CAV3: variants seen among roughly 807,000 people sequenced by gnomAD.
The protein encoded by CAV3 is caveolin-3.
CAV3 carries 10 observed loss-of-function variants against 13.4 expected under a neutral mutation model. That is an observed-to-expected ratio of 0.75 (90% CI 0.46 to 1.27). The LOEUF (loss-of-function observed/expected upper bound fraction) is 1.27. Among genes scored for constraint, CAV3 ranks in the 50% most tolerant of loss-of-function variants. The pLI is 0.00. For synonymous variants in CAV3, 90 were observed against 79.0 expected, an observed-to-expected ratio of 1.14 and a Z score of -0.74; for missense variants, 162 against 194.0, an observed-to-expected ratio of 0.83 and a Z score of 0.98.
At chr3:8,740,670 A>G (rs2124983014) in intron 1 of CAV3, among the ~76,000 whole-genome samples, 1 of 152,322 alleles carries the variant, frequency 6.6e-6, no homozygotes, top group African/African-American at 2.4e-5. Context: ...CCCTTAAGGT[A>G]GACCTGGAGC....
intron 1 of CAV3, among the ~76,000 whole-genome samples, chr3:8,735,689 CA>C (rs1448293758): frequency 3.3e-5 from 5 of 152,294 alleles, no homozygotes; most frequent in Admixed American, 2.0e-4. Flanking sequence ...TGTCCAAACC[CA>C]ACACAATCTG....
intron 1 of CAV3, among the ~76,000 whole-genome samples, chr3:8,734,618 C>A (rs1307435344): frequency 2.6e-5 from 4 of 152,242 alleles, no homozygotes; most frequent in East Asian, 1.9e-4. Context: ...AGTCTCTCAG[C>A]GTCTGAAGTT....
intron 1 of CAV3, among the ~76,000 whole-genome samples, chr3:8,739,935 G>T (rs190981668): frequency 1.3e-5 from 2 of 152,086 alleles, no homozygotes. Context: ...GGGCTCCACC[G>T]AGCTAGAACA....
At position 8,745,924 on chromosome 3, in the gene CAV3, C is replaced by A; in HGVS notation, c.*57C>A. The stretch of plus-strand genomic sequence containing the variant: ...GGGGGTGGTGGGCCAGACTGGTCCC[C>A]GGGGGACTTCTTCACAGGGGCTGCT... On this transcript the variant is annotated 3_prime_UTR_variant, in exon 2 of 2. Transcript: ENST00000343849. This position sits in a 1 kb window ranked among gnomAD's most constrained non-coding sequence, Gnocchi z 4.8. The A allele has an allele frequency of 7.0e-7, 1 of 1,428,364 alleles. No individual in the cohort carries two copies. The highest frequency in any genetic ancestry group is 9.7e-7 in the Non-Finnish European group (1 of 1,032,826). 88.5% of individuals were successfully genotyped at this position (1,428,364 alleles called of 1,614,324 possible).
rs1060502317 is a variant in CAV3 at position 8,745,554 on chromosome 3, C to T, written c.143C>T (p.Pro48Leu). Residue 48 changes from proline (P) to leucine (L), a missense_variant, in exon 2 of 2, where the codon CCT becomes CTT. Transcript: ENST00000343849. This position sits in a 1 kb window ranked among gnomAD's most constrained non-coding sequence, Gnocchi z 4.8. ...KVDFEDVIAEPVGTYSFDGVW... is the reference protein window; with the variant it reads ...KVDFEDVIAELVGTYSFDGVW... Reference sequence around the variant, plus strand: ...GATTTTGAAGACGTGATCGCAGAGCCTGTGGGCACCTACAGCTTTGACGGC... The same window carrying T: ...GATTTTGAAGACGTGATCGCAGAGCTTGTGGGCACCTACAGCTTTGACGGC... 6.2e-7 allele frequency: 1 copy of T among 1,614,148 alleles called. No individual in the cohort carries two copies. Among genetic ancestry groups the T allele is most frequent in the South Asian group, 1.1e-5 (1 of 91,068 alleles).
At chr3:8,742,557 G>A (rs2124984934) in intron 1 of CAV3, 1 of 451,668 alleles carries the variant, frequency 2.2e-6, no homozygotes, top group East Asian at 7.0e-5. Flanking sequence ...AATCCGGGAT[G>A]TCAAAAGAAT....
Position 8,745,561 on chromosome 3 carries a change from C to T in CAV3, c.150C>T (p.Gly50=). 1 of 1,614,172 alleles carries T rather than the reference C, an allele frequency of 6.2e-7. No individual in the cohort carries two copies. Among genetic ancestry groups the T allele is most frequent in the Non-Finnish European group, 8.5e-7 (1 of 1,180,020 alleles). The change falls in exon 2 of 2, where the codon GGC becomes GGT. Residue 50 remains glycine (G), a synonymous_variant. Transcript: ENST00000343849. This position sits in a 1 kb window ranked among gnomAD's most constrained non-coding sequence, Gnocchi z 4.8. The part of the protein sequence containing the change: ...DFEDVIAEPV[G]TYSFDGVWKV... ...AAGACGTGATCGCAGAGCCTGTGGGCACCTACAGCTTTGACGGCGTGTGGA... is the reference window on the plus strand; with the variant it reads ...AAGACGTGATCGCAGAGCCTGTGGGTACCTACAGCTTTGACGGCGTGTGGA...
rs746857284 is a variant in CAV3, at chr3:8,745,773, A to G, written c.362A>G (p.Tyr121Cys). Reference protein sequence around the residue: ...LIEIQCISHIYSLCIRTFCNP... With the variant: ...LIEIQCISHICSLCIRTFCNP... ...GAGATCCAGTGCATCAGCCACATCTACTCACTCTGCATCCGCACCTTCTGC... is the reference window on the plus strand; with the variant it reads ...GAGATCCAGTGCATCAGCCACATCTGCTCACTCTGCATCCGCACCTTCTGC... Residue 121 changes from tyrosine to cysteine, a missense_variant, in exon 2 of 2, where the codon TAC becomes TGC. Tyr to Cys is a radical substitution (Grantham distance 194). Coordinates refer to ENST00000343849, the MANE Select transcript of CAV3 (RefSeq NM_033337.3). This position sits in a 1 kb window ranked among gnomAD's most constrained non-coding sequence, Gnocchi z 4.8. 8 of 1,613,806 alleles carry G rather than the reference A, an allele frequency of 5.0e-6. No homozygotes were observed.
At chr3:8,744,419 CA>C (rs1708078599) in intron 1 of CAV3, among the ~76,000 whole-genome samples, 1 of 150,248 alleles carries the variant, frequency 6.7e-6, no homozygotes, top group Non-Finnish European at 1.5e-5. Context: ...GCTGGGACTA[CA>C]GACACCCGCT....
intron 1 of CAV3, among the ~76,000 whole-genome samples, chr3:8,734,908 TG>T (rs978146647): frequency 1.3e-4 from 20 of 152,238 alleles, no homozygotes; most frequent in African/African-American, 4.6e-4. Context: ...TAGTAGAGAC[TG>T]GGTTTCATTA....
chr3:8,744,632 C>T (rs1708089772), intron 1 of CAV3, among the ~76,000 whole-genome samples: 1 of 151,954 alleles, frequency 6.6e-6, no homozygotes, highest in Non-Finnish European at 1.5e-5. Flanking sequence ...GTGTAGGCAG[C>T]TAGGAAGGTG....
In CAV3 at chr3:8,746,235, C is replaced by T. The variant is rs947943884; in HGVS notation, c.*368C>T. 2.5e-5 allele frequency: 5 copies of T among 197,730 alleles called. No homozygotes were observed. Among genetic ancestry groups the T allele is most frequent in the African/African-American group, 1.1e-4 (5 of 43,584 alleles). The allele number at this position is 197,730 out of a possible 1,614,324, so 12.2% of individuals were successfully genotyped here. ...CACTCAGGAAAGTGACCAGTGACCA[C>T]TGGCGTTAGGAAGGTGGCTCCAGTA... is the stretch of plus-strand genomic sequence containing the variant. On this transcript the variant is annotated 3_prime_UTR_variant, in exon 2 of 2. Transcript: ENST00000343849.
In CAV3 at chr3:8,746,563, C is replaced by G. The variant is rs1041257027; in HGVS notation, c.*696C>G. The G allele has an allele frequency of 6.6e-6, 1 of 152,082 alleles. No homozygotes were observed. The highest frequency in any genetic ancestry group is 1.5e-5 in the Non-Finnish European group (1 of 68,042). The allele number at this position is 152,082 out of a possible 1,614,324, so 9.4% of individuals were successfully genotyped here. A position where few individuals can be genotyped will look rare whatever the true frequency, so the allele number is the denominator to read the frequency against. On this transcript the variant is annotated 3_prime_UTR_variant, in exon 2 of 2. Transcript: ENST00000343849. ...CCCTTGGGCTGGCAGGGGCAGTGACCCTTCCAGGGTACCACTGAGGGAAGG... is the reference window on the plus strand; with the variant it reads ...CCCTTGGGCTGGCAGGGGCAGTGACGCTTCCAGGGTACCACTGAGGGAAGG...
At chr3:8,742,013 G>T (rs1707978598) in intron 1 of CAV3, among the ~76,000 whole-genome samples, 1 of 152,152 alleles carries the variant, frequency 6.6e-6, no homozygotes, top group Admixed American at 6.5e-5. Context: ...TCAGCACGCA[G>T]ATGCAGGCTT....
rs547706300 is a variant in CAV3, at chr3:8,738,113, G to A, written c.114+4123G>A. 4.6e-4 allele frequency among the ~76,000 whole-genome samples: 69 copies of A among 151,606 alleles called. 2 individuals are homozygous for A. The South Asian group carries it at 0.014, about 31-fold the overall frequency. The stretch of plus-strand genomic sequence containing the variant: ...CTTGACTCACACATAGGCCCCCAGG[G>A]CCCTAAAGCAGTGATGCTTGAACCT... On this transcript the variant is annotated intron_variant, in intron 1 of 1. Coordinates refer to ENST00000343849, the MANE Select transcript of CAV3 (RefSeq NM_033337.3).
At chr3:8,734,403 C>G (rs978033938) in intron 1 of CAV3, among the ~76,000 whole-genome samples, 5 of 152,186 alleles carry the variant, frequency 3.3e-5, no homozygotes, top group African/African-American at 9.7e-5. Flanking sequence ...AGGGTTAATC[C>G]CCAGAGGGCA....
intron 1 of CAV3, among the ~76,000 whole-genome samples, chr3:8,743,028 C>T (rs1337451989): frequency 2.0e-5 from 3 of 152,156 alleles, no homozygotes; most frequent in South Asian, 2.1e-4. Context: ...TATCACATGG[C>T]GAGAGAGGGA....
intron 1 of CAV3, among the ~76,000 whole-genome samples, chr3:8,734,954 A>G (rs958264295): frequency 2.0e-5 from 3 of 152,158 alleles, no homozygotes; most frequent in African/African-American, 7.2e-5. Flanking sequence ...CTTGGGCTCA[A>G]GTGATCCTCC....
intron 1 of CAV3, among the ~76,000 whole-genome samples, chr3:8,734,805 A>G (rs1269079701): frequency 3.9e-5 from 6 of 151,978 alleles, no homozygotes; most frequent in African/African-American, 1.5e-4. Flanking sequence ...TGCAGCCTCA[A>G]CCTCCCAGGC....
Sources: allele counts gnomAD v4.1 joint callset (sites outside exome capture counted in the v4.1 genomes callset), GRCh38; gene constraint gnomAD v4.1.1; non-coding constraint Gnocchi (gnomAD v3.1); transcripts MANE v1.5; gene names NCBI Gene and HGNC (gene_info 2026-07-23, HGNC 2026-07-21).